Variants in PLB1 observed in about 807,000 individuals in gnomAD.
PLB1 encodes phospholipase B1.
A neutral mutation model predicts 227.4 loss-of-function variants in PLB1; 242 were observed. That is an observed-to-expected ratio of 1.06 (90% CI 0.96 to 1.18). PLB1 has a LOEUF of 1.18. Among genes scored for constraint, PLB1 ranks in the 50% most tolerant of loss-of-function variants. The pLI is 0.00. For missense variants in PLB1, 1,858 were observed against 1,816.3 expected, an observed-to-expected ratio of 1.02 and a Z score of -0.42; for synonymous variants, 757 against 682.2, an observed-to-expected ratio of 1.11 and a Z score of -1.71.
chr2:28,621,834 A>T (rs1419747577), intron 49 of PLB1, among the ~76,000 whole-genome samples: 1 of 151,844 alleles, frequency 6.6e-6, no homozygotes, highest in Non-Finnish European at 1.5e-5. Flanking sequence ...AGGTCATTAT[A>T]GCAACATCTA....
intron 25 of PLB1, among the ~76,000 whole-genome samples, chr2:28,583,583 G>A (rs1342511789): frequency 6.6e-6 from 1 of 152,182 alleles, no homozygotes; most frequent in Non-Finnish European, 1.5e-5. Context: ...CAGGTGCACA[G>A]CACGCAGTTT....
chr2:28,538,249 T>G, intron 9 of PLB1, 70 bp from the exon 10 acceptor site: 1 of 1,596,488 alleles, frequency 6.3e-7, no homozygotes. Context: ...GGGCCTGTTG[T>G]GAGTCTGGGT....
chr2:28,631,295 A>G (rs1197039838), intron 54 of PLB1, among the ~76,000 whole-genome samples: 1 of 151,920 alleles, frequency 6.6e-6, no homozygotes, highest in African/African-American at 2.4e-5. Flanking sequence ...GTTCCCTCTC[A>G]GGCTCAGGTA....
chr2:28,585,575 C>A, intron 25 of PLB1, 186 bp from the exon 26 acceptor site: 1 of 571,708 alleles, frequency 1.7e-6, no homozygotes, highest in Non-Finnish European at 3.2e-6. Flanking sequence ...CCGCGCCTGG[C>A]CTGGAAATCT....
In PLB1 at chr2:28,617,754, G is replaced by C; in HGVS notation, c.3223G>C (p.Glu1075Gln). Residue 1075 changes from glutamate to glutamine, a missense_variant, in exon 45 of 58, where the codon GAG becomes CAG. Transcript: ENST00000327757. ...ENWGSDFLCT[E>Q]WKASNSVPTS... Reference sequence around the variant, plus strand: ...CTGGGGCAGTGACTTCCTGTGTACAGAGTGGAAGGCTTCCAATAGTGTTCC... The same window carrying C: ...CTGGGGCAGTGACTTCCTGTGTACACAGTGGAAGGCTTCCAATAGTGTTCC... The C allele has an allele frequency of 2.5e-6, 4 of 1,614,186 alleles. No individual in the cohort carries two copies. The highest frequency in any genetic ancestry group is 3.4e-6 in the Non-Finnish European group (4 of 1,180,006).
chr2:28,532,039 A>C, intron 8 of PLB1, 69 bp from the exon 9 acceptor site: 1 of 1,234,158 alleles, frequency 8.1e-7, no homozygotes, highest in Non-Finnish European at 1.2e-6. Flanking sequence ...AAGACATGAA[A>C]ACAAAGACAT....
At chr2:28,636,148 TC>T (rs1689336257) in intron 56 of PLB1, among the ~76,000 whole-genome samples, 1 of 152,184 alleles carries the variant, frequency 6.6e-6, no homozygotes, top group Non-Finnish European at 1.5e-5. Flanking sequence ...AACCTCCGTC[TC>T]CTGGATTCAA....
At chr2:28,633,297 AGGGG>A (rs1688900283) in intron 56 of PLB1, 2 of 463,916 alleles carry the variant, frequency 4.3e-6, no homozygotes, top group African/African-American at 4.0e-5. Context: ...AGGTACTGCG[AGGGG>A]ATCCCTTTGT....
chr2:28,573,135 C>G (rs1268979412), intron 20 of PLB1, 62 bp from the exon 21 acceptor site: 3 of 1,352,354 alleles, frequency 2.2e-6, no homozygotes, highest in Non-Finnish European at 1.1e-6. Flanking sequence ...TGGTGCTTAT[C>G]AAAGGAATTT....
Position 28,532,104 on chromosome 2 carries a change from T to C in PLB1, c.469-4T>C. The C allele has an allele frequency of 6.2e-7, 1 of 1,608,792 alleles. No homozygotes were observed. The highest frequency in any genetic ancestry group is 1.7e-4 in the Middle Eastern group (1 of 6,052). ...CCTTTTCATGCTGTTGCCCTTTTAT[T>C]CAGCAACTTGACTTTCAATTTGACT... On this transcript the variant is annotated splice_region_variant and splice_polypyrimidine_tract_variant and intron_variant, in intron 8 of 57. Coordinates refer to ENST00000327757, the MANE Select transcript of PLB1 (RefSeq NM_153021.5).
intron 33 of PLB1, chr2:28,595,082 A>G (rs1199240933): frequency 6.6e-6 from 1 of 152,172 alleles, no homozygotes; most frequent in Non-Finnish European, 1.5e-5. Context: ...GATGTGCCCT[A>G]CTTTAAAACA....
chr2:28,524,786 C>G (rs1275087874), intron 4 of PLB1, among the ~76,000 whole-genome samples: 1 of 150,992 alleles, frequency 6.6e-6, no homozygotes, highest in East Asian at 2.0e-4. Context: ...AAGCCAAGAA[C>G]TTTTCCTCCC....
chr2:28,567,512 G>GC (rs1201813962), intron 20 of PLB1, among the ~76,000 whole-genome samples: 33 of 113,624 alleles, frequency 2.9e-4, no homozygotes, highest in East Asian at 7.5e-4. Context: ...TCACTCTGTT[G>GC]CCAGGCTGGA....
intron 1 of PLB1, among the ~76,000 whole-genome samples, chr2:28,508,415 C>T (rs1006323689): frequency 3.3e-5 from 5 of 152,186 alleles, no homozygotes; most frequent in African/African-American, 4.8e-5. Flanking sequence ...ACTGACAGGA[C>T]GCTGTGCTAA....
intron 19 of PLB1, among the ~76,000 whole-genome samples, chr2:28,565,940 A>G (rs1676818298): frequency 6.6e-6 from 1 of 152,174 alleles, no homozygotes; most frequent in Non-Finnish European, 1.5e-5. Flanking sequence ...AAGTAACCTG[A>G]CCAAGATCAC....
chr2:28,620,775 T>C (rs538650876), intron 48 of PLB1, 104 bp from the exon 49 acceptor site: 1 of 1,499,870 alleles, frequency 6.7e-7, no homozygotes, highest in African/African-American at 1.4e-5. Flanking sequence ...GCCCCAGAAC[T>C]CCTGTGTCCC....
intron 19 of PLB1, chr2:28,566,550 C>T (rs943897762): frequency 5.9e-6 from 3 of 509,422 alleles, no homozygotes; most frequent in Non-Finnish European, 1.1e-5. Context: ...CCTCCCCTTC[C>T]CCAACATCAG....
At chr2:28,582,267 C>A in intron 24 of PLB1, 134 bp downstream of exon 24, 1 of 1,216,868 alleles carries the variant, frequency 8.2e-7, no homozygotes, top group Non-Finnish European at 1.2e-6. Context: ...AGAGGGGGAG[C>A]AGGGACGGGT....
At chr2:28,567,310 C>T (rs1275574485) in intron 20 of PLB1, among the ~76,000 whole-genome samples, 2 of 152,166 alleles carry the variant, frequency 1.3e-5, no homozygotes, top group East Asian at 1.9e-4. Context: ...GGCACAGCTG[C>T]GCACAGATAT....
Sources: gnomAD v4.1 joint callset for allele counts (sites outside exome capture counted in the v4.1 genomes callset) on GRCh38, gnomAD v4.1.1 for gene constraint, MANE v1.5 for transcripts, NCBI Gene and HGNC (gene_info 2026-07-23, HGNC 2026-07-21) for gene names.